SLC1A1: variants seen among roughly 807,000 people sequenced by gnomAD.
The protein encoded by SLC1A1 is excitatory amino acid transporter 3.
In SLC1A1, 43 loss-of-function variants were observed where a neutral mutation model predicts 53.3. The observed-to-expected ratio is 0.81, with a 90% CI of 0.63 to 1.04. The LOEUF is 1.04. SLC1A1 is among the 50% of genes least tolerant of loss of function. The pLI is 0.00. For missense variants in SLC1A1, 748 were observed against 664.9 expected (o/e 1.12, Z -1.37); for synonymous variants, 307 against 243.2 (o/e 1.26, Z -2.44).
chr9:4,497,543 T>A (rs1166010449), intron 1 of SLC1A1, among the ~76,000 whole-genome samples: 2 of 152,192 alleles, frequency 1.3e-5, no homozygotes, highest in Non-Finnish European at 2.9e-5. Context: ...AATGTTGTCC[T>A]TGTTTGTCAA....
rs1304423576 is a variant in SLC1A1, at chr9:4,585,662, T to C, written c.*104T>C. On this transcript the variant is annotated 3_prime_UTR_variant, in exon 12 of 12. Transcript: ENST00000262352. ...GAAACACTAATGGCCAAGTGTACAT[T>C]TGATTTGATATACAGACCTCCAGAT... is the stretch of plus-strand genomic sequence containing the variant. The C allele has an allele frequency of 1.4e-6, 2 of 1,385,718 alleles. No individual in the cohort carries two copies. Among genetic ancestry groups the C allele is most frequent in the African/African-American group, 1.4e-5 (1 of 70,556 alleles). The allele number at this position is 1,385,718 out of a possible 1,614,324, so 85.8% of individuals were successfully genotyped here. A position where few individuals can be genotyped will look rare whatever the true frequency, so the allele number is the denominator to read the frequency against.
rs372573366 is a variant in SLC1A1, at chr9:4,496,234, C to T, written c.91+5464C>T. Among the ~76,000 whole-genome samples, 178 of 151,956 alleles carry T rather than the reference C, an allele frequency of 1.2e-3. 7 individuals are homozygous for T. The South Asian group carries it at 0.032, about 28-fold the overall frequency. On this transcript the variant is annotated intron_variant, in intron 1 of 11. Transcript: ENST00000262352. ...CAGGAACAGTGATGGGTGAGAGGCT[C>T]GGGGGCAGGAGTGAGAGGGTCTGAG...
At chr9:4,502,834 T>C (rs1045962905) in intron 1 of SLC1A1, among the ~76,000 whole-genome samples, 1 of 151,804 alleles carries the variant, frequency 6.6e-6, no homozygotes, top group Non-Finnish European at 1.5e-5. Context: ...CTCCTCCTTC[T>C]TGCTTCATCC....
rs569316848 is a variant in SLC1A1 at position 4,564,233 on chromosome 9, C to T, written c.326-111C>T. On this transcript the variant is annotated intron_variant, in intron 3 of 11. Coordinates refer to ENST00000262352, the MANE Select transcript of SLC1A1 (RefSeq NM_004170.6). ...CATTTTGGCTGGACCTCAGGGTCCT[C>T]CCCATCACACTATTGCCTGGTACAA... 1,006 of 776,448 alleles carry T rather than the reference C, an allele frequency of 1.3e-3. 9 individuals are homozygous for T. The highest frequency in any genetic ancestry group is 3.7e-3 in the South Asian group (249 of 68,018). The allele number at this position is 776,448 out of a possible 1,614,324, so 48.1% of individuals were successfully genotyped here. A position where few individuals can be genotyped will look rare whatever the true frequency, so the allele number is the denominator to read the frequency against.
chr9:4,564,053 GA>G (rs1287890277), intron 3 of SLC1A1, among the ~76,000 whole-genome samples: 1 of 152,062 alleles, frequency 6.6e-6, no homozygotes, highest in East Asian at 1.9e-4. Context: ...GGTGTTTCCA[GA>G]AGCAATTCTG....
At chr9:4,584,887 A>C (rs1185702427) in intron 11 of SLC1A1, among the ~76,000 whole-genome samples, 1 of 152,186 alleles carries the variant, frequency 6.6e-6, no homozygotes, top group Non-Finnish European at 1.5e-5. Context: ...CCACATGCAC[A>C]TGGTACATAC....
intron 1 of SLC1A1, among the ~76,000 whole-genome samples, chr9:4,536,354 A>AAAAAC (rs1554679195): frequency 8.6e-5 from 13 of 151,822 alleles, no homozygotes; most frequent in Admixed American, 7.9e-4. Flanking sequence ...ACAAGAAAAA[A>AAAAAC]AAACAGCCCC....
At chr9:4,514,747 G>C (rs1367086121) in intron 1 of SLC1A1, among the ~76,000 whole-genome samples, 1 of 152,110 alleles carries the variant, frequency 6.6e-6, no homozygotes, top group South Asian at 2.1e-4. Context: ...CGCCAGATTT[G>C]CATCCTGGAA....
At chr9:4,507,029 A>T (rs572387136) in intron 1 of SLC1A1, among the ~76,000 whole-genome samples, 8 of 152,272 alleles carry the variant, frequency 5.3e-5, no homozygotes, top group East Asian at 3.9e-4. Flanking sequence ...CAGGAAATGG[A>T]GACCATCCTG....
chr9:4,563,465 G>A (rs1042664540), intron 3 of SLC1A1, among the ~76,000 whole-genome samples: 1 of 152,160 alleles, frequency 6.6e-6, no homozygotes, highest in African/African-American at 2.4e-5. Context: ...AGTGGGCCAT[G>A]CCCAGTCATG....
chr9:4,550,739 A>G (rs1284615769), intron 2 of SLC1A1, among the ~76,000 whole-genome samples: 1 of 152,312 alleles, frequency 6.6e-6, no homozygotes, highest in African/African-American at 2.4e-5. Context: ...AACCTTAGGT[A>G]TATTCAGTAT....
chr9:4,525,523 AG>A (rs1816227027), intron 1 of SLC1A1, among the ~76,000 whole-genome samples: 1 of 152,208 alleles, frequency 6.6e-6, no homozygotes, highest in Non-Finnish European at 1.5e-5. Context: ...AAGACCCAGT[AG>A]GAGAATAGGT....
intron 2 of SLC1A1, among the ~76,000 whole-genome samples, chr9:4,550,213 C>T (rs4742005): frequency 0.92 from 140,001 of 152,230 alleles, 65,527 homozygotes; most frequent in East Asian, 1. Context: ...GGTTGGGTGA[C>T]TGGATTTACA....
At chr9:4,547,877 A>G (rs1421420396) in intron 2 of SLC1A1, among the ~76,000 whole-genome samples, 3 of 152,070 alleles carry the variant, frequency 2.0e-5, no homozygotes, top group Non-Finnish European at 4.4e-5. Flanking sequence ...AATCATATTT[A>G]ATTACATGTG....
intron 1 of SLC1A1, among the ~76,000 whole-genome samples, chr9:4,524,836 C>G (rs993296394): frequency 6.6e-6 from 1 of 152,180 alleles, no homozygotes; most frequent in African/African-American, 2.4e-5. Context: ...CTTGAGTATA[C>G]TAATCCATTC....
intron 5 of SLC1A1, among the ~76,000 whole-genome samples, chr9:4,567,451 G>C (rs899499222): frequency 6.6e-6 from 1 of 152,132 alleles, no homozygotes; most frequent in African/African-American, 2.4e-5. Flanking sequence ...ATAATTGAAT[G>C]GTGATCGTGG....
intron 2 of SLC1A1, among the ~76,000 whole-genome samples, chr9:4,561,076 C>T (rs1295315163): frequency 6.6e-6 from 1 of 152,088 alleles, no homozygotes; most frequent in Non-Finnish European, 1.5e-5. Context: ...TAACTGAATT[C>T]CAAAGGAGGT....
rs1820201041 is a variant in SLC1A1 at position 4,573,001 on chromosome 9, A to C, written c.767+613A>C. On this transcript the variant is annotated intron_variant, in intron 7 of 11. Transcript: ENST00000262352. ...GTAAGAAGTAATTCTTTAAAAAATG[A>C]TTTGAAGGATTTCACTGTACATGAG... 2.6e-5 allele frequency among the ~76,000 whole-genome samples: 4 copies of C among 152,348 alleles called. No homozygotes were observed. In the South Asian group the frequency reaches 8.3e-4, roughly 32 times the overall value.
At chr9:4,507,556 C>A (rs1820846577) in intron 1 of SLC1A1, among the ~76,000 whole-genome samples, 2 of 152,282 alleles carry the variant, frequency 1.3e-5, no homozygotes, top group East Asian at 3.9e-4. Flanking sequence ...GGGAAAGTTA[C>A]AACTCCACAA....
Sources: gnomAD v4.1 joint callset for allele counts (sites outside exome capture counted in the v4.1 genomes callset) on GRCh38, gnomAD v4.1.1 for gene constraint, MANE v1.5 for transcripts, NCBI Gene and HGNC (gene_info 2026-07-23, HGNC 2026-07-21) for gene names.